CDH2: variants seen among roughly 807,000 people sequenced by gnomAD.
The protein encoded by CDH2 is cadherin-2.
Under a neutral mutation model 92.0 loss-of-function variants are expected in CDH2, and 17 were observed. That is an observed-to-expected ratio of 0.18 (90% CI 0.13 to 0.28). The LOEUF is 0.28. Ranked by LOEUF, CDH2 falls within the 10% of genes least tolerant of loss-of-function variation. The pLI, the probability that CDH2 is intolerant of heterozygous loss-of-function variation, is 1.00. For synonymous variants in CDH2, 419 were observed against 415.9 expected (o/e 1.01, Z -0.09); for missense variants, 862 against 1,133.1 (o/e 0.76, Z 3.44).
intron 2 of CDH2, among the ~76,000 whole-genome samples, chr18:28,138,366 C>T (rs1231236): frequency 0.98 from 149,872 of 152,220 alleles, 73,798 homozygotes; most frequent in Non-Finnish European, 0.99. Context: ...AACAGAATGA[C>T]GCAGCCATAA....
intron 2 of CDH2, among the ~76,000 whole-genome samples, chr18:28,063,293 C>T (rs898042011): frequency 6.6e-6 from 1 of 152,118 alleles, no homozygotes; most frequent in Admixed American, 6.6e-5. Flanking sequence ...AACATATTCA[C>T]CAATTGGTGT....
intron 6 of CDH2, among the ~76,000 whole-genome samples, chr18:28,004,260 T>C (rs1599026137): frequency 6.6e-6 from 1 of 152,210 alleles, no homozygotes; most frequent in Admixed American, 6.5e-5. Context: ...GTATCCACAG[T>C]GTCAGAACAA....
chr18:28,060,187 A>C (rs1019865555), intron 2 of CDH2, among the ~76,000 whole-genome samples: 3 of 151,720 alleles, frequency 2.0e-5, no homozygotes, highest in African/African-American at 7.3e-5. Context: ...ACTTATCATC[A>C]TCATTATTAT....
chr18:28,012,076 C>A, intron 3 of CDH2, 84 bp from the exon 4 acceptor site: 1 of 1,137,220 alleles, frequency 8.8e-7, no homozygotes, highest in South Asian at 1.6e-5. Flanking sequence ...TACCTGAAAG[C>A]ATAGGAATCA....
intron 2 of CDH2, among the ~76,000 whole-genome samples, chr18:28,030,553 C>T (rs1177645411): frequency 1.3e-5 from 2 of 151,814 alleles, no homozygotes; most frequent in African/African-American, 2.4e-5. Context: ...AGATAGTGGA[C>T]CATAAATGAA....
At chr18:27,987,262 A>C (rs1031992829) in intron 11 of CDH2, among the ~76,000 whole-genome samples, 1 of 152,256 alleles carries the variant, frequency 6.6e-6, no homozygotes, top group African/African-American at 2.4e-5. Flanking sequence ...GCAAAAAAGC[A>C]TAAAACAGGT....
chr18:28,003,664 T>C (rs945553596), intron 6 of CDH2, among the ~76,000 whole-genome samples: 1 of 152,234 alleles, frequency 6.6e-6, no homozygotes, highest in Admixed American at 6.5e-5. Context: ...CACACTCCAT[T>C]TCCTCAGGTC....
At chr18:28,175,743 C>T (rs982520195) in intron 1 of CDH2, among the ~76,000 whole-genome samples, 1 of 152,212 alleles carries the variant, frequency 6.6e-6, no homozygotes, top group Non-Finnish European at 1.5e-5. Flanking sequence ...CCGCACTTTT[C>T]GGGGCTGCCA....
intron 2 of CDH2, among the ~76,000 whole-genome samples, chr18:28,128,343 A>G (rs1405319811): frequency 1.3e-5 from 2 of 152,154 alleles, no homozygotes; most frequent in African/African-American, 4.8e-5. Context: ...TTGTCTGTGC[A>G]CCTAAAATAT....
At chr18:28,051,471 G>T (rs2144127169) in intron 2 of CDH2, among the ~76,000 whole-genome samples, 1 of 152,294 alleles carries the variant, frequency 6.6e-6, no homozygotes, top group South Asian at 2.1e-4. Context: ...CCTGGGAAAT[G>T]CAGTGTATAA....
intron 2 of CDH2, among the ~76,000 whole-genome samples, chr18:28,099,813 C>A (rs1181112582): frequency 1.3e-5 from 2 of 152,072 alleles, no homozygotes; most frequent in African/African-American, 4.8e-5. Context: ...AATATTTGAT[C>A]TCTTTTGAAA....
intron 4 of CDH2, 103 bp from the exon 5 acceptor site, chr18:28,009,975 T>G (rs775007906): frequency 3.7e-6 from 3 of 809,286 alleles, no homozygotes; most frequent in Non-Finnish European, 5.4e-6. Context: ...TACAAACTTA[T>G]ACCATCTCTC....
intron 2 of CDH2, among the ~76,000 whole-genome samples, chr18:28,120,948 G>A (rs556554824): frequency 6.6e-6 from 1 of 152,236 alleles, no homozygotes; most frequent in African/African-American, 2.4e-5. Context: ...TTTACTTAGG[G>A]AATCTGACTC....
intron 14 of CDH2, among the ~76,000 whole-genome samples, chr18:27,968,398 A>G (rs985573896): frequency 1.3e-5 from 2 of 152,170 alleles, no homozygotes; most frequent in Non-Finnish European, 2.9e-5. Flanking sequence ...GGGGGAAAAC[A>G]TCTGGGGTTT....
At chr18:28,120,714 C>T (rs916864103) in intron 2 of CDH2, among the ~76,000 whole-genome samples, 1 of 151,978 alleles carries the variant, frequency 6.6e-6, no homozygotes, top group South Asian at 2.1e-4. Context: ...GGAACTTCAT[C>T]GACCCCATCT....
chr18:28,154,147 A>G (rs1164249403), intron 1 of CDH2, among the ~76,000 whole-genome samples: 2 of 152,220 alleles, frequency 1.3e-5, no homozygotes, highest in African/African-American at 4.8e-5. Context: ...GCTTAGCAAC[A>G]ACAAAAAGGA....
intron 6 of CDH2, among the ~76,000 whole-genome samples, chr18:27,944,094 T>TTCTC (rs1909209620): frequency 6.6e-6 from 1 of 152,162 alleles, no homozygotes; most frequent in Non-Finnish European, 1.5e-5. Flanking sequence ...AATAAAAATA[T>TTCTC]TCTCATTCAA....
intron 2 of CDH2, among the ~76,000 whole-genome samples, chr18:28,122,259 A>T (rs1186545669): frequency 1.3e-5 from 2 of 152,116 alleles, no homozygotes; most frequent in Non-Finnish European, 2.9e-5. Context: ...TCTTTCAAGG[A>T]TCTACTAATA....
intron 2 of CDH2, among the ~76,000 whole-genome samples, chr18:28,085,439 T>C (rs1412534262): frequency 5.9e-5 from 9 of 152,030 alleles, no homozygotes; most frequent in Admixed American, 5.3e-4. Flanking sequence ...TCCACCTCAG[T>C]ATCCTCATTT....
Sources: gnomAD v4.1 joint callset for allele counts (sites outside exome capture counted in the v4.1 genomes callset) on GRCh38, gnomAD v4.1.1 for gene constraint, MANE v1.5 for transcripts, NCBI Gene and HGNC (gene_info 2026-07-23, HGNC 2026-07-21) for gene names.